Variants in PAX3 observed in about 807,000 individuals in gnomAD.
PAX3 encodes paired box protein Pax-3.
Under a neutral mutation model 51.6 loss-of-function variants are expected in PAX3, and 14 were observed. That is an observed-to-expected ratio of 0.27 (90% CI 0.18 to 0.42). The LOEUF (loss-of-function observed/expected upper bound fraction) is 0.42. PAX3 is among the 10% of genes least tolerant of loss of function. The pLI, the probability that PAX3 is intolerant of heterozygous loss-of-function variation, is 1.00. For synonymous variants in PAX3, 280 were observed against 253.4 expected (o/e 1.11, Z -1.00); for missense variants, 540 against 642.8 (o/e 0.84, Z 1.73).
intron 4 of PAX3, among the ~76,000 whole-genome samples, chr2:222,291,745 C>A (rs368048402): frequency 2.6e-5 from 4 of 152,280 alleles, no homozygotes; most frequent in South Asian, 4.1e-4. Context: ...AACGCTTTAT[C>A]AACATTCATT....
intron 1 of PAX3, 138 bp downstream of exon 1, chr2:222,298,393 T>C: frequency 7.3e-6 from 5 of 681,408 alleles, no homozygotes; most frequent in Non-Finnish European, 1.3e-5. Context: ...CGCCCCCGAC[T>C]GGTGCTTCTT....
intron 7 of PAX3, among the ~76,000 whole-genome samples, chr2:222,215,066 A>G (rs144801017): frequency 9.8e-4 from 149 of 152,252 alleles, no homozygotes; most frequent in African/African-American, 3.4e-3. Flanking sequence ...CTCAAAATTT[A>G]TGGGCTCTGA....
intron 4 of PAX3, among the ~76,000 whole-genome samples, chr2:222,239,198 G>A (rs188936147): frequency 2.1e-3 from 324 of 152,234 alleles, no homozygotes; most frequent in Non-Finnish European, 3.8e-3. Context: ...CTATTCTACC[G>A]ATTTCCACGC....
At chr2:222,241,308 C>T (rs998824292) in intron 4 of PAX3, among the ~76,000 whole-genome samples, 1 of 152,140 alleles carries the variant, frequency 6.6e-6, no homozygotes, top group African/African-American at 2.4e-5. Flanking sequence ...CGCGGGCTGG[C>T]CATCATGTCC....
intron 4 of PAX3, among the ~76,000 whole-genome samples, chr2:222,274,509 A>G (rs1482942310): frequency 6.6e-6 from 1 of 150,806 alleles, no homozygotes; most frequent in Non-Finnish European, 1.5e-5. Flanking sequence ...AAACGTAACC[A>G]CCTCTATAAA....
chr2:222,244,243 G>C (rs908206567), intron 4 of PAX3, among the ~76,000 whole-genome samples: 7 of 152,186 alleles, frequency 4.6e-5, no homozygotes, highest in African/African-American at 1.7e-4. Flanking sequence ...GAACTTAGAA[G>C]AGGTGATATC....
chr2:222,207,993 A>T (rs1237454568), intron 7 of PAX3, among the ~76,000 whole-genome samples: 2 of 137,074 alleles, frequency 1.5e-5, no homozygotes, highest in Non-Finnish European at 3.4e-5. Context: ...ATATATACAT[A>T]TATGTGTGTG....
chr2:222,211,166 A>G (rs1244673490), intron 7 of PAX3, among the ~76,000 whole-genome samples: 1 of 152,206 alleles, frequency 6.6e-6, no homozygotes, highest in Non-Finnish European at 1.5e-5. Flanking sequence ...ACTTGGCCAT[A>G]CATGATATTT....
intron 4 of PAX3, among the ~76,000 whole-genome samples, chr2:222,256,681 TTTA>T (rs1320547897): frequency 1.3e-5 from 2 of 152,220 alleles, no homozygotes; most frequent in African/African-American, 4.8e-5. Flanking sequence ...CTAATACTCT[TTTA>T]TTTTCTCTTC....
At chr2:222,293,576 G>T in intron 4 of PAX3, 1 of 1,560,132 alleles carries the variant, frequency 6.4e-7, no homozygotes. Flanking sequence ...TCAATTCCCA[G>T]GCACACACAG....
At chr2:222,295,198 A>G (rs1050366762) in intron 3 of PAX3, among the ~76,000 whole-genome samples, 10 of 152,128 alleles carry the variant, frequency 6.6e-5, no homozygotes, top group African/African-American at 2.4e-4. Context: ...GGTTGGGGTT[A>G]CCAAAACATT....
rs80145836 is a variant in PAX3, at chr2:222,242,197, G to T, written c.587-9914C>A. On this transcript the variant is annotated intron_variant, in intron 4 of 8. Transcript: ENST00000392070. ...ACTGAATTGAAACCACGTTTTTTTTGATCCAAGTGTGTTTCGTCCATTGAA... is the reference window on the plus strand; with the variant it reads ...ACTGAATTGAAACCACGTTTTTTTTTATCCAAGTGTGTTTCGTCCATTGAA... 0.017 allele frequency among the ~76,000 whole-genome samples: 2,540 copies of T among 151,916 alleles called. 150 individuals carry two copies. The East Asian group carries it at 0.21, about 12-fold the overall frequency.
At chr2:222,292,577 C>G (rs181268568) in intron 4 of PAX3, among the ~76,000 whole-genome samples, 1 of 152,220 alleles carries the variant, frequency 6.6e-6, no homozygotes, top group Non-Finnish European at 1.5e-5. Flanking sequence ...GTAGCAAAGC[C>G]GTGAGTCCCC....
At chr2:222,259,088 C>A (rs529532789) in intron 4 of PAX3, among the ~76,000 whole-genome samples, 2 of 152,090 alleles carry the variant, frequency 1.3e-5, no homozygotes, top group Admixed American at 1.3e-4. Flanking sequence ...TTTCAAGTTT[C>A]CTCAACTAAA....
At chr2:222,226,095 A>G (rs994265965) in intron 5 of PAX3, among the ~76,000 whole-genome samples, 2 of 152,228 alleles carry the variant, frequency 1.3e-5, no homozygotes, top group Non-Finnish European at 2.9e-5. Context: ...TTCAGCCTAC[A>G]TTATTCAAGA....
intron 4 of PAX3, among the ~76,000 whole-genome samples, chr2:222,260,737 T>C (rs1693833362): frequency 6.6e-6 from 1 of 151,720 alleles, no homozygotes; most frequent in African/African-American, 2.4e-5. Flanking sequence ...ATTACAGGTG[T>C]GAACCCCCAT....
At position 222,264,101 on chromosome 2, in the gene PAX3, G is replaced by C. The variant is rs188434790; in HGVS notation, c.586+30066C>G. The C allele has an allele frequency of 1.5e-4, 23 of 152,238 alleles. No individual in the cohort carries two copies. In the East Asian group the frequency reaches 4.2e-3, roughly 28 times the overall value. 9.4% of individuals were successfully genotyped at this position (152,238 alleles called of 1,614,324 possible). A position where few individuals can be genotyped will look rare whatever the true frequency, so the allele number is the denominator to read the frequency against. Reference sequence around the variant, plus strand: ...AGACTCCAAAAAAGATCAAATACAAGTTCATAGCAGCACTATTGATAATAG... The same window carrying C: ...AGACTCCAAAAAAGATCAAATACAACTTCATAGCAGCACTATTGATAATAG... On this transcript the variant is annotated intron_variant, in intron 4 of 8. Coordinates refer to ENST00000392070, the MANE Select transcript of PAX3 (RefSeq NM_181458.4).
At chr2:222,228,475 G>C (rs1692464461) in intron 5 of PAX3, among the ~76,000 whole-genome samples, 1 of 152,148 alleles carries the variant, frequency 6.6e-6, no homozygotes, top group Non-Finnish European at 1.5e-5. Flanking sequence ...AGCTACATGG[G>C]TTTGAAATAT....
chr2:222,241,251 AAG>A (rs1295417331), intron 4 of PAX3, among the ~76,000 whole-genome samples: 1 of 152,216 alleles, frequency 6.6e-6, no homozygotes, highest in Admixed American at 6.5e-5. Flanking sequence ...TACAATTGCC[AAG>A]AGAGAGGCCA....
Sources: gnomAD v4.1 joint callset for allele counts (sites outside exome capture counted in the v4.1 genomes callset) on GRCh38, gnomAD v4.1.1 for gene constraint, MANE v1.5 for transcripts, NCBI Gene and HGNC (gene_info 2026-07-23, HGNC 2026-07-21) for gene names.